ZNF512: variants seen among roughly 807,000 people sequenced by gnomAD.
ZNF512 encodes zinc finger protein 512.
ZNF512 carries 25 observed loss-of-function variants against 77.5 expected under a neutral mutation model. The observed-to-expected ratio is 0.32, with a 90% CI of 0.23 to 0.45. The LOEUF is 0.45. ZNF512 is among the 20% of genes least tolerant of loss of function. The pLI is 1.00. For synonymous variants in ZNF512, 246 were observed against 239.9 expected (o/e 1.03, Z -0.24); for missense variants, 483 against 692.6 (o/e 0.70, Z 3.40).
At position 27,622,173 on chromosome 2, in the gene ZNF512, G is replaced by C. The variant is rs572433740; in HGVS notation, c.*712G>C. On this transcript the variant is annotated 3_prime_UTR_variant, in exon 14 of 14. Coordinates refer to ENST00000355467, the MANE Select transcript of ZNF512 (RefSeq NM_032434.4). Reference sequence around the variant, plus strand: ...CCAAACATTAAAATGACAGGAAAGAGAAAGTAGAAGCAGCAATAAATACTG... The same window carrying C: ...CCAAACATTAAAATGACAGGAAAGACAAAGTAGAAGCAGCAATAAATACTG... 1.3e-5 allele frequency: 2 copies of C among 152,482 alleles called. No individual in the cohort carries two copies. Among genetic ancestry groups the C allele is most frequent in the South Asian group, 2.1e-4 (1 of 4,830 alleles). The allele number at this position is 152,482 out of a possible 1,614,324, so 9.4% of individuals were successfully genotyped here.
At chr2:27,583,969 T>C (rs1207828083) in intron 2 of ZNF512, among the ~76,000 whole-genome samples, 1 of 152,210 alleles carries the variant, frequency 6.6e-6, no homozygotes, top group African/African-American at 2.4e-5. Context: ...GTGGAACTTC[T>C]TGTGACGAAA....
At chr2:27,596,999 T>C (rs1671899762) in intron 2 of ZNF512, among the ~76,000 whole-genome samples, 2 of 152,274 alleles carry the variant, frequency 1.3e-5, no homozygotes, top group Admixed American at 1.3e-4. Context: ...GTTTTGTTTC[T>C]TTTTTCATTC....
intron 10 of ZNF512, among the ~76,000 whole-genome samples, chr2:27,609,152 C>G (rs965434018): frequency 6.6e-6 from 1 of 151,412 alleles, no homozygotes; most frequent in Admixed American, 6.6e-5. Context: ...AGGTCAAACC[C>G]TAGTTTCTAA....
At chr2:27,610,956 ATTC>A (rs1672634209) in intron 10 of ZNF512, among the ~76,000 whole-genome samples, 1 of 152,100 alleles carries the variant, frequency 6.6e-6, no homozygotes, top group South Asian at 2.1e-4. Flanking sequence ...TAGATAACAT[ATTC>A]TTCAAATGGT....
chr2:27,598,117 C>T lies in ZNF512; in HGVS notation c.140C>T (p.Pro47Leu). Reference sequence around the variant, plus strand: ...GATAATAGTTTCCAGTACACTATCCCTCATGATGACTCCTTAAGTGGTTCA... The same window carrying T: ...GATAATAGTTTCCAGTACACTATCCTTCATGATGACTCCTTAAGTGGTTCA... ...IKDNSFQYTI[P>L]HDDSLSGSSS... is the part of the protein sequence containing the mutation. The change falls in exon 3 of 14, where the codon CCT (proline) becomes CTT (leucine). Residue 47 changes from proline (P) to leucine (L), a missense_variant. By Grantham distance (98) the Pro-to-Leu change is moderately conservative. Coordinates refer to ENST00000355467, the MANE Select transcript of ZNF512 (RefSeq NM_032434.4). The T allele has an allele frequency of 6.2e-7, 1 of 1,613,364 alleles. No individual in the cohort carries two copies. The highest frequency in any genetic ancestry group is 8.5e-7 in the Non-Finnish European group (1 of 1,179,384).
Position 27,602,677 on chromosome 2 carries a change from G to T in ZNF512, c.768+116G>T. The T allele has an allele frequency of 3.7e-6, 3 of 800,084 alleles. No individual in the cohort carries two copies. In the South Asian group the frequency reaches 7.6e-5, roughly 20 times the overall value. The allele number at this position is 800,084 out of a possible 1,614,324, so 49.6% of individuals were successfully genotyped here. A position where few individuals can be genotyped will look rare whatever the true frequency, so the allele number is the denominator to read the frequency against. ...GACTTCCTAGTTCTGTACTATCTTG[G>T]TCTCTTGAATCATTAATAGTTGTTT... is the stretch of plus-strand genomic sequence containing the variant. On this transcript the variant is annotated intron_variant, in intron 8 of 13. Transcript: ENST00000355467.
At chr2:27,605,587 C>T (rs935697738) in intron 9 of ZNF512, among the ~76,000 whole-genome samples, 19 of 151,986 alleles carry the variant, frequency 1.3e-4, no homozygotes, top group Non-Finnish European at 2.4e-4. Context: ...GCCATCCTCC[C>T]ACCTCAGCCT....
chr2:27,615,766 A>T (rs1299836139), intron 11 of ZNF512, among the ~76,000 whole-genome samples: 1 of 152,012 alleles, frequency 6.6e-6, no homozygotes, highest in Non-Finnish European at 1.5e-5. Flanking sequence ...GGGTAAATAG[A>T]CTCCACTTCT....
chr2:27,596,571 AAGAC>A (rs368847783), intron 2 of ZNF512, among the ~76,000 whole-genome samples: 7 of 152,220 alleles, frequency 4.6e-5, no homozygotes, highest in South Asian at 2.1e-4. Context: ...TTGAGGGAAA[AAGAC>A]AGAATTGGAA....
intron 10 of ZNF512, among the ~76,000 whole-genome samples, chr2:27,613,041 A>C (rs1363242878): frequency 6.6e-6 from 1 of 151,824 alleles, no homozygotes; most frequent in African/African-American, 2.4e-5. Context: ...TTTTCTTTCT[A>C]CTGTGTTCCC....
At position 27,610,544 on chromosome 2, in the gene ZNF512, G is replaced by GTGTATATATATATATATATATATATA. The variant is rs1413007886; in HGVS notation, c.1131+2506_1131+2507insGTATATATATATATATATATATATAT. Among the ~76,000 whole-genome samples, 6 of 32,654 alleles carry GTGTATATATATATATATATATATATA rather than the reference G, an allele frequency of 1.8e-4. 1 individual carries two copies. The highest frequency in any genetic ancestry group is 7.3e-4 in the African/African-American group (5 of 6,830). The allele number at this position is 32,654 out of a possible 152,430, so 21.4% of individuals were successfully genotyped here. On this transcript the variant is annotated intron_variant, in intron 10 of 13. Coordinates refer to ENST00000355467, the MANE Select transcript of ZNF512 (RefSeq NM_032434.4). ...TATGTGTGTGTATATATATGTGTGT[G>GTGTATATATATATATATATATATATA]TATATATATATATATATATATATAT... is the stretch of plus-strand genomic sequence containing the variant.
intron 7 of ZNF512, among the ~76,000 whole-genome samples, chr2:27,602,074 G>A (rs1672139926): frequency 6.6e-6 from 1 of 152,232 alleles, no homozygotes; most frequent in South Asian, 2.1e-4. Flanking sequence ...GTGAGCCACT[G>A]CGCCCGGCCT....
intron 10 of ZNF512, among the ~76,000 whole-genome samples, chr2:27,608,791 C>G (rs775456898): frequency 6.6e-5 from 10 of 151,916 alleles, no homozygotes; most frequent in Non-Finnish European, 1.2e-4. Context: ...AGGGCTCTGA[C>G]ATATGTGAGA....
chr2:27,598,493 G>A (rs574804896), intron 3 of ZNF512, among the ~76,000 whole-genome samples: 1 of 152,212 alleles, frequency 6.6e-6, no homozygotes, highest in East Asian at 1.9e-4. Flanking sequence ...GCGGGGCCTG[G>A]TGGTGGGCGC....
At chr2:27,613,104 A>G (rs1045657695) in intron 10 of ZNF512, among the ~76,000 whole-genome samples, 3 of 152,004 alleles carry the variant, frequency 2.0e-5, no homozygotes, top group African/African-American at 7.3e-5. Context: ...TCCTTCCTGT[A>G]TTTTTATGTG....
At chr2:27,590,624 T>C (rs574128063) in intron 2 of ZNF512, among the ~76,000 whole-genome samples, 19 of 152,310 alleles carry the variant, frequency 1.2e-4, no homozygotes, top group Admixed American at 1.2e-3. Flanking sequence ...TTTTTGTTCC[T>C]GTGTTTCTTC....
intron 2 of ZNF512, among the ~76,000 whole-genome samples, chr2:27,595,042 T>A (rs1331811563): frequency 6.6e-6 from 1 of 151,994 alleles, no homozygotes; most frequent in Non-Finnish European, 1.5e-5. Flanking sequence ...GGCAGGAGAA[T>A]CAGGGGAGCC....
chr2:27,584,023 G>A (rs1428127932), intron 2 of ZNF512, among the ~76,000 whole-genome samples: 1 of 152,168 alleles, frequency 6.6e-6, no homozygotes, highest in African/African-American at 2.4e-5. Context: ...TACTAGCCCC[G>A]TACGCCTTTT....
chr2:27,592,718 C>T (rs1671650137), intron 2 of ZNF512, among the ~76,000 whole-genome samples: 2 of 98,562 alleles, frequency 2.0e-5, no homozygotes, highest in Admixed American at 1.6e-4. Context: ...GAGTTTCGCT[C>T]TTGTTGCCCA....
Sources: gnomAD v4.1 joint callset for allele counts (sites outside exome capture counted in the v4.1 genomes callset) on GRCh38, gnomAD v4.1.1 for gene constraint, MANE v1.5 for transcripts, NCBI Gene and HGNC (gene_info 2026-07-23, HGNC 2026-07-21) for gene names.